The following PDE1C variants were observed in gnomAD, a reference collection of about 807,000 sequenced individuals.
PDE1C encodes the protein dual specificity calcium/calmodulin-dependent 3',5'-cyclic nucleotide phosphodiesterase 1C.
In PDE1C, 62 loss-of-function variants were observed where a neutral mutation model predicts 93.1. The ratio of observed to expected loss-of-function variants is 0.67; its 90% confidence interval spans 0.54 to 0.82. The LOEUF is 0.82. Ranked by LOEUF, PDE1C falls within the 40% of genes least tolerant of loss-of-function variation. The pLI is 0.00. For synonymous variants in PDE1C, 325 were observed against 310.1 expected (o/e 1.05, Z -0.50); for missense variants, 742 against 884.6 (o/e 0.84, Z 2.04).
intron 1 of PDE1C, among the ~76,000 whole-genome samples, chr7:32,054,611 G>A (rs548412150): frequency 1.3e-5 from 2 of 152,282 alleles, no homozygotes; most frequent in African/African-American, 4.8e-5. Context: ...ATCAAAAGAT[G>A]GGTTGTGCAT....
At chr7:31,702,106 A>G in the PDE1C span, among the ~76,000 whole-genome samples, 1 of 152,170 alleles carries the variant, frequency 6.6e-6, no homozygotes, top group Admixed American at 6.5e-5. Flanking sequence ...GGTACTACCT[A>G]TTAGTCTTAT....
intron 3 of PDE1C, among the ~76,000 whole-genome samples, chr7:32,082,685 C>T (rs1796774939): frequency 2.0e-5 from 3 of 152,162 alleles, no homozygotes; most frequent in Admixed American, 6.5e-5. Context: ...CAGCAGCATT[C>T]GCGGTTCACC....
At chr7:31,913,676 T>C (rs10225593) in intron 2 of PDE1C, among the ~76,000 whole-genome samples, 69,848 of 152,094 alleles carry the variant, frequency 0.46, 16,906 homozygotes, top group Non-Finnish European at 0.54. Context: ...GGTCTGGGAC[T>C]AAGACAAGAG....
Position 32,056,039 on chromosome 7 carries a change from T to C in PDE1C, c.102-4459A>G, listed in dbSNP as rs116450642. Among the ~76,000 whole-genome samples, 407 of 152,278 alleles carry C rather than the reference T, an allele frequency of 2.7e-3. 1 individual carries two copies. Among genetic ancestry groups the C allele is most frequent in the African/African-American group, 9.4e-3 (391 of 41,558 alleles). ...CTGGCTTGTTTTTAAAATTTGTTTC[T>C]AAAACTTAATTTAAATTTGTAATAT... is the stretch of plus-strand genomic sequence containing the variant. On this transcript the variant is annotated intron_variant, in intron 1 of 17. Transcript: ENST00000396191.
chr7:31,884,481 A>AGTG (rs1797642228), intron 2 of PDE1C, among the ~76,000 whole-genome samples: 1 of 152,210 alleles, frequency 6.6e-6, no homozygotes, highest in Non-Finnish European at 1.5e-5. Context: ...AAAAGAGTTA[A>AGTG]GTGGTGACCA....
the PDE1C span, chr7:31,642,788 A>G: frequency 1.2e-6 from 2 of 1,613,996 alleles, no homozygotes; most frequent in Admixed American, 3.3e-5. Context: ...CTAGAGTCGG[A>G]TGGGCCAGAT....
intron 3 of PDE1C, among the ~76,000 whole-genome samples, chr7:32,124,328 T>C (rs1284669527): frequency 2.6e-5 from 4 of 152,136 alleles, no homozygotes; most frequent in Non-Finnish European, 2.9e-5. Flanking sequence ...ACCACTAACA[T>C]ACTTCACAGA....
At chr7:32,389,803 TATC>T (rs1784718240) in intron 1 of PDE1C, among the ~76,000 whole-genome samples, 2 of 152,222 alleles carry the variant, frequency 1.3e-5, no homozygotes, top group Admixed American at 6.5e-5. Flanking sequence ...AAATGGGTAT[TATC>T]ATATCTCCAA....
At chr7:32,119,874 C>CG (rs1427288599) in intron 3 of PDE1C, among the ~76,000 whole-genome samples, 1 of 152,324 alleles carries the variant, frequency 6.6e-6, no homozygotes, top group Admixed American at 6.5e-5. Context: ...CCAAGTTTCC[C>CG]GGGGGAAGGG....
intron 17 of PDE1C, among the ~76,000 whole-genome samples, chr7:31,759,788 A>T (rs1794713205): frequency 6.6e-6 from 1 of 152,044 alleles, no homozygotes; most frequent in Admixed American, 6.6e-5. Flanking sequence ...ATTTTTCATA[A>T]ATATAACAAT....
At chr7:32,275,629 G>A (rs1410882116) in intron 1 of PDE1C, among the ~76,000 whole-genome samples, 1 of 150,970 alleles carries the variant, frequency 6.6e-6, no homozygotes, top group Non-Finnish European at 1.5e-5. Flanking sequence ...CTGAAAGTTA[G>A]CAGGAACATC....
At chr7:32,297,673 C>T (rs1387952123) in intron 1 of PDE1C, among the ~76,000 whole-genome samples, 1 of 152,136 alleles carries the variant, frequency 6.6e-6, no homozygotes, top group African/African-American at 2.4e-5. Context: ...CCCAAAACCC[C>T]CTCTGGTCCC....
chr7:32,386,881 T>A (rs886984015), intron 1 of PDE1C, among the ~76,000 whole-genome samples: 4 of 151,412 alleles, frequency 2.6e-5, no homozygotes, highest in Non-Finnish European at 4.4e-5. Context: ...TTTTTTATTT[T>A]TATTTTTTTT....
At chr7:32,404,034 C>T (rs1197147221) in intron 1 of PDE1C, among the ~76,000 whole-genome samples, 2 of 152,176 alleles carry the variant, frequency 1.3e-5, no homozygotes, top group Non-Finnish European at 2.9e-5. Flanking sequence ...TACACATGTA[C>T]ATATTAGCCC....
intron 2 of PDE1C, among the ~76,000 whole-genome samples, chr7:31,946,284 G>A (rs541133538): frequency 6.6e-6 from 1 of 152,224 alleles, no homozygotes; most frequent in Non-Finnish European, 1.5e-5. Context: ...AACATGTCGG[G>A]GGTCCAGGGT....
intron 2 of PDE1C, among the ~76,000 whole-genome samples, chr7:32,001,712 G>A (rs1394058428): frequency 6.6e-6 from 1 of 152,078 alleles, no homozygotes; most frequent in Non-Finnish European, 1.5e-5. Context: ...ATTAGGGGAG[G>A]AGCTCAATCA....
At chr7:31,741,936 C>T in the PDE1C span, among the ~76,000 whole-genome samples, 2 of 152,244 alleles carry the variant, frequency 1.3e-5, no homozygotes, top group African/African-American at 4.8e-5. Context: ...GCATAGCCCT[C>T]ATCACATTGT....
chr7:32,082,671 C>T (rs1402337383), intron 3 of PDE1C, among the ~76,000 whole-genome samples: 4 of 152,156 alleles, frequency 2.6e-5, no homozygotes, highest in South Asian at 4.1e-4. Flanking sequence ...GAGGAACCAT[C>T]GGACAGCAGC....
chr7:31,862,021 T>A (rs1794750377), intron 7 of PDE1C, among the ~76,000 whole-genome samples: 1 of 152,208 alleles, frequency 6.6e-6, no homozygotes, highest in South Asian at 2.1e-4. Context: ...TCCTTGAATG[T>A]AGCAAAGTTA....
Sources: allele counts gnomAD v4.1 joint callset (sites outside exome capture counted in the v4.1 genomes callset), GRCh38; gene constraint gnomAD v4.1.1; transcripts MANE v1.5; gene names NCBI Gene and HGNC (gene_info 2026-07-23, HGNC 2026-07-21).